VAC14: variants seen among roughly 807,000 people sequenced by gnomAD.
VAC14 encodes protein VAC14 homolog.
VAC14 carries 47 observed loss-of-function variants against 85.3 expected under a neutral mutation model. The ratio of observed to expected loss-of-function variants is 0.55; its 90% confidence interval spans 0.44 to 0.70. The LOEUF is 0.70. Ranked by LOEUF, VAC14 falls within the 30% of genes least tolerant of loss-of-function variation. The pLI is 0.00. For synonymous variants in VAC14, 447 were observed against 430.5 expected (o/e 1.04, Z -0.47); for missense variants, 861 against 1,004.3 (o/e 0.86, Z 1.93).
At chr16:70,689,546 G>A (rs1476039465) in intron 18 of VAC14, 2 of 985,594 alleles carry the variant, frequency 2.0e-6, no homozygotes, top group South Asian at 4.7e-5. Flanking sequence ...TCTGGGGCCC[G>A]GAGGCGGCCT....
At chr16:70,778,782 T>C (rs955956746) in intron 9 of VAC14, 2 of 152,224 alleles carry the variant, frequency 1.3e-5, no homozygotes, top group Non-Finnish European at 2.9e-5. Context: ...AATTTGAACA[T>C]TCATTGCCTC....
chr16:70,710,353 A>G (rs1473483635), intron 14 of VAC14, among the ~76,000 whole-genome samples: 1 of 152,180 alleles, frequency 6.6e-6, no homozygotes, highest in East Asian at 1.9e-4. Flanking sequence ...GTGACCTCAC[A>G]CAGGGTCCTC....
At chr16:70,750,734 C>T (rs1267527165) in intron 12 of VAC14, among the ~76,000 whole-genome samples, 1 of 152,182 alleles carries the variant, frequency 6.6e-6, no homozygotes, top group Non-Finnish European at 1.5e-5. Context: ...TCTAGTCTCT[C>T]TGGGATGGTG....
intron 14 of VAC14, among the ~76,000 whole-genome samples, chr16:70,729,043 T>C (rs1260090165): frequency 1.3e-5 from 2 of 152,228 alleles, no homozygotes; most frequent in Non-Finnish European, 2.9e-5. Flanking sequence ...AATCCATTTC[T>C]GTCTCTCTGA....
rs1030972559 is a variant in VAC14 at position 70,689,156 on chromosome 16, T to G, written c.2187-1066A>C. On this transcript the variant is annotated intron_variant, in intron 18 of 18. Transcript: ENST00000261776. ...CTCCACCGCTTCCTAGCGGTGTGAC[T>G]TGAGCATGTGACTGTTTCCTCATCT... 5 of 976,948 alleles carry G rather than the reference T, an allele frequency of 5.1e-6. No individual in the cohort carries two copies. In the African/African-American group the frequency reaches 8.7e-5, roughly 17 times the overall value. The allele number at this position is 976,948 out of a possible 1,614,324, so 60.5% of individuals were successfully genotyped here.
intron 13 of VAC14, among the ~76,000 whole-genome samples, chr16:70,736,349 G>A (rs748623003): frequency 2.0e-5 from 3 of 152,306 alleles, no homozygotes; most frequent in East Asian, 1.9e-4. Context: ...AGGGCAGACC[G>A]TTCTCATTCT....
At position 70,692,819 on chromosome 16, in the gene VAC14, A is replaced by C; in HGVS notation, c.2186+2T>G. 1 of 1,596,794 alleles carries C rather than the reference A, an allele frequency of 6.3e-7. No individual in the cohort carries two copies. The highest frequency in any genetic ancestry group is 8.5e-7 in the Non-Finnish European group (1 of 1,174,440). On this transcript the variant is annotated splice_donor_variant, in intron 18 of 18. Transcript: ENST00000261776. LOFTEE classifies it high-confidence loss of function. ...GGGCAGCAGTCCCCAGCCGGCACTC[A>C]CTCGGTCTGCAGCAGCTCAGGGTTG...
At chr16:70,772,291 T>C in intron 9 of VAC14, 119 bp from the exon 10 acceptor site, 1 of 830,408 alleles carries the variant, frequency 1.2e-6, no homozygotes, top group Non-Finnish European at 2.0e-6. Context: ...TTCAGGCTCT[T>C]CAAAAGGACC....
intron 10 of VAC14, among the ~76,000 whole-genome samples, chr16:70,767,407 T>C (rs900516027): frequency 1.3e-5 from 2 of 152,216 alleles, no homozygotes; most frequent in African/African-American, 2.4e-5. Context: ...CAGATAATTA[T>C]AAATTTTTTC....
Position 70,784,223 on chromosome 16 carries a change from G to A in VAC14, c.487-3C>T. 1 of 1,613,360 alleles carries A rather than the reference G, an allele frequency of 6.2e-7. No individual in the cohort carries two copies. The highest frequency in any genetic ancestry group is 2.2e-5 in the East Asian group (1 of 44,872). On this transcript the variant is annotated splice_region_variant and splice_polypyrimidine_tract_variant and intron_variant, in intron 4 of 18. Transcript: ENST00000261776. ...TTGTTGCTCTCAGTCACAATGTCCT[G>A]TGGATCAGAGGAAAGTGAGCTGCCG...
chr16:70,741,677 G>A (rs557636089), intron 13 of VAC14, among the ~76,000 whole-genome samples: 2 of 152,344 alleles, frequency 1.3e-5, no homozygotes, highest in South Asian at 4.1e-4. Flanking sequence ...CTTCCTTGGT[G>A]TTCTTTCCAG....
intron 9 of VAC14, among the ~76,000 whole-genome samples, chr16:70,778,170 G>A (rs1482782524): frequency 6.6e-6 from 1 of 152,148 alleles, no homozygotes; most frequent in East Asian, 1.9e-4. Context: ...GCAGCTGTGT[G>A]AAAAAATGCT....
At chr16:70,718,988 G>A (rs1023428952) in intron 14 of VAC14, among the ~76,000 whole-genome samples, 5 of 152,162 alleles carry the variant, frequency 3.3e-5, no homozygotes, top group Non-Finnish European at 7.4e-5. Context: ...CTTTGACCTG[G>A]GTTCCTACCA....
chr16:70,760,942 G>A (rs569664279), intron 12 of VAC14, among the ~76,000 whole-genome samples: 1 of 149,190 alleles, frequency 6.7e-6, no homozygotes, highest in Admixed American at 6.7e-5. Flanking sequence ...CGCGCTGCAG[G>A]GGGTGGTGCA....
At chr16:70,691,796 G>A in intron 18 of VAC14, 1 of 985,456 alleles carries the variant, frequency 1.0e-6, no homozygotes, top group Non-Finnish European at 1.2e-6. Flanking sequence ...GGCCAGTCTG[G>A]GTGGGAGGGG....
intron 14 of VAC14, among the ~76,000 whole-genome samples, chr16:70,706,086 G>C (rs1435978604): frequency 6.6e-6 from 1 of 152,128 alleles, no homozygotes; most frequent in African/African-American, 2.4e-5. Context: ...ACCCCAGCAG[G>C]TCCAATTCTC....
chr16:70,787,723 C>A (rs1415504950), intron 1 of VAC14, among the ~76,000 whole-genome samples: 3 of 152,154 alleles, frequency 2.0e-5, no homozygotes, highest in South Asian at 2.1e-4. Flanking sequence ...AAGAAACGGG[C>A]CTTCCTGGCA....
At chr16:70,749,128 C>G (rs2031168187) in intron 12 of VAC14, among the ~76,000 whole-genome samples, 1 of 152,216 alleles carries the variant, frequency 6.6e-6, no homozygotes, top group Non-Finnish European at 1.5e-5. Flanking sequence ...AGCGGGCACA[C>G]AAGAAAGGCT....
chr16:70,725,202 C>T (rs1008816951), intron 14 of VAC14, among the ~76,000 whole-genome samples: 1 of 152,232 alleles, frequency 6.6e-6, no homozygotes, highest in African/African-American at 2.4e-5. Context: ...CGCACAAAGA[C>T]TCACAGAGTG....
Sources: allele counts gnomAD v4.1 joint callset (sites outside exome capture counted in the v4.1 genomes callset), GRCh38; gene constraint gnomAD v4.1.1; transcripts MANE v1.5; gene names NCBI Gene and HGNC (gene_info 2026-07-23, HGNC 2026-07-21).